The following NDFIP2 variants were observed in gnomAD, a reference collection of about 807,000 sequenced individuals.
NDFIP2 encodes NEDD4 family-interacting protein 2.
Under a neutral mutation model 36.0 loss-of-function variants are expected in NDFIP2, and 19 were observed. The observed-to-expected ratio is 0.53, with a 90% CI of 0.37 to 0.77. The LOEUF (loss-of-function observed/expected upper bound fraction) is 0.77, where lower values mean the gene tolerates loss of function less well. Ranked by LOEUF, NDFIP2 falls within the 30% of genes least tolerant of loss-of-function variation. The pLI, the probability that NDFIP2 is intolerant of heterozygous loss-of-function variation, is 0.00. For missense variants in NDFIP2, 446 were observed against 435.8 expected (o/e 1.02, Z -0.21); for synonymous variants, 181 against 167.7 (o/e 1.08, Z -0.61).
chr13:79,484,425 T>C (rs2079831462), intron 1 of NDFIP2, among the ~76,000 whole-genome samples: 1 of 152,234 alleles, frequency 6.6e-6, no homozygotes, highest in Non-Finnish European at 1.5e-5. Context: ...GCAGTGTTGA[T>C]TGTAGCAGTA....
At chr13:79,499,246 C>G (rs1046191746) in intron 1 of NDFIP2, among the ~76,000 whole-genome samples, 1 of 151,906 alleles carries the variant, frequency 6.6e-6, no homozygotes, top group Non-Finnish European at 1.5e-5. Context: ...AGAACATCTA[C>G]TAAAAGCCTA....
At chr13:79,511,359 T>C (rs1874078634) in intron 1 of NDFIP2, among the ~76,000 whole-genome samples, 2 of 152,186 alleles carry the variant, frequency 1.3e-5, no homozygotes, top group South Asian at 4.1e-4. Context: ...GTAGTAGTTA[T>C]TATAAAGACT....
At chr13:79,544,218 A>C (rs768311357) in intron 5 of NDFIP2, among the ~76,000 whole-genome samples, 25 of 152,264 alleles carry the variant, frequency 1.6e-4, no homozygotes, top group Admixed American at 2.6e-4. Context: ...TGAGAGCTCA[A>C]AAGTGAAGGC....
At chr13:79,549,516 GTTTA>G (rs1875818716) in intron 6 of NDFIP2, among the ~76,000 whole-genome samples, 1 of 151,778 alleles carries the variant, frequency 6.6e-6, no homozygotes, top group African/African-American at 2.4e-5. Context: ...ATAATCTAGT[GTTTA>G]TTTATTTAGG....
At chr13:79,498,077 C>T (rs1234492244) in intron 1 of NDFIP2, among the ~76,000 whole-genome samples, 1 of 151,646 alleles carries the variant, frequency 6.6e-6, no homozygotes, top group Non-Finnish European at 1.5e-5. Flanking sequence ...TACAAATACT[C>T]ATAAAGGTGA....
chr13:79,548,183 G>A, intron 5 of NDFIP2, 145 bp from the exon 6 acceptor site: 1 of 654,656 alleles, frequency 1.5e-6, no homozygotes, highest in African/African-American at 1.9e-5. Context: ...TGCTGTGTAT[G>A]CCATTAAGTG....
intron 2 of NDFIP2, among the ~76,000 whole-genome samples, chr13:79,521,778 A>G (rs534924348): frequency 6.6e-6 from 1 of 150,886 alleles, no homozygotes; most frequent in South Asian, 2.1e-4. Context: ...GTCCTCACTA[A>G]TGAAGCTAAT....
chr13:79,544,102 T>A (rs1875564079), intron 5 of NDFIP2, among the ~76,000 whole-genome samples: 1 of 152,180 alleles, frequency 6.6e-6, no homozygotes, highest in South Asian at 2.1e-4. Context: ...ACTATTATTG[T>A]GATATAGTGC....
chr13:79,487,213 C>G (rs1054342223), intron 1 of NDFIP2, among the ~76,000 whole-genome samples: 17 of 152,216 alleles, frequency 1.1e-4, no homozygotes, highest in Admixed American at 1.1e-3. Context: ...TCATACCCCC[C>G]AGGTGACTGT....
chr13:79,538,470 C>T (rs1875331050), intron 3 of NDFIP2, among the ~76,000 whole-genome samples: 1 of 152,086 alleles, frequency 6.6e-6, no homozygotes, highest in Non-Finnish European at 1.5e-5. Context: ...GATAAAATGG[C>T]ACTATAGGCA....
intron 2 of NDFIP2, among the ~76,000 whole-genome samples, chr13:79,530,185 G>A (rs1874961199): frequency 6.6e-6 from 1 of 151,976 alleles, no homozygotes; most frequent in African/African-American, 2.4e-5. Flanking sequence ...ATTCAGTGGC[G>A]CTTTCATAGC....
intron 3 of NDFIP2, among the ~76,000 whole-genome samples, chr13:79,534,058 C>G (rs1372147377): frequency 6.6e-6 from 1 of 152,156 alleles, no homozygotes; most frequent in African/African-American, 2.4e-5. Flanking sequence ...TTTCAGGCCC[C>G]TCATGTGTTA....
At chr13:79,509,222 G>T (rs1317667434) in intron 1 of NDFIP2, among the ~76,000 whole-genome samples, 1 of 152,140 alleles carries the variant, frequency 6.6e-6, no homozygotes, top group Non-Finnish European at 1.5e-5. Flanking sequence ...AGAGACATAA[G>T]ATATCAATCA....
At chr13:79,485,209 CT>C (rs531441387) in intron 1 of NDFIP2, among the ~76,000 whole-genome samples, 20 of 148,806 alleles carry the variant, frequency 1.3e-4, no homozygotes, top group East Asian at 7.8e-4. Flanking sequence ...GGGTGCAGCT[CT>C]TTTTTTTTTA....
At chr13:79,487,563 G>A (rs193208923) in intron 1 of NDFIP2, among the ~76,000 whole-genome samples, 2 of 152,178 alleles carry the variant, frequency 1.3e-5, no homozygotes, top group African/African-American at 4.8e-5. Context: ...TTCCATGGGT[G>A]GAATTACTGA....
At chr13:79,539,452 CTTTTATCTTT>C (rs1471055551) in intron 3 of NDFIP2, among the ~76,000 whole-genome samples, 1 of 152,016 alleles carries the variant, frequency 6.6e-6, no homozygotes, top group Non-Finnish European at 1.5e-5. Context: ...TGTTATTCAT[CTTTTATCTTT>C]TTTGTGTTTA....
intron 3 of NDFIP2, among the ~76,000 whole-genome samples, chr13:79,536,448 A>G (rs985340307): frequency 8.5e-5 from 13 of 152,228 alleles, no homozygotes; most frequent in Admixed American, 2.6e-4. Context: ...ATGTGGGAAA[A>G]TAGAAAGAGG....
At chr13:79,540,943 T>G (rs1317589042) in intron 4 of NDFIP2, among the ~76,000 whole-genome samples, 2 of 152,212 alleles carry the variant, frequency 1.3e-5, no homozygotes, top group Non-Finnish European at 1.5e-5. Flanking sequence ...GGAAATAAAC[T>G]GTGGTTACAA....
intron 6 of NDFIP2, among the ~76,000 whole-genome samples, chr13:79,548,664 C>T (rs1387248823): frequency 6.6e-6 from 1 of 151,910 alleles, no homozygotes; most frequent in Non-Finnish European, 1.5e-5. Context: ...AAAAAATTGT[C>T]TTTAGCATTT....
Sources: gnomAD v4.1 joint callset for allele counts (sites outside exome capture counted in the v4.1 genomes callset) on GRCh38, gnomAD v4.1.1 for gene constraint, MANE v1.5 for transcripts, NCBI Gene and HGNC (gene_info 2026-07-23, HGNC 2026-07-21) for gene names.